YTHDC2: variants seen among roughly 807,000 people sequenced by gnomAD.
The protein encoded by YTHDC2 is 3'-5' RNA helicase YTHDC2.
A neutral mutation model predicts 174.9 loss-of-function variants in YTHDC2; 45 were observed. The ratio of observed to expected loss-of-function variants is 0.26; its 90% confidence interval spans 0.20 to 0.33. The LOEUF (loss-of-function observed/expected upper bound fraction) is 0.33, where lower values mean the gene tolerates loss of function less well. YTHDC2 is among the 10% of genes least tolerant of loss of function. YTHDC2 has a pLI of 1.00. For synonymous variants in YTHDC2, 657 were observed against 574.5 expected (o/e 1.14, Z -2.05); for missense variants, 1,650 against 1,723.7 (o/e 0.96, Z 0.76).
At chr5:113,589,665 G>A (rs1479535711) in intron 26 of YTHDC2, among the ~76,000 whole-genome samples, 1 of 151,834 alleles carries the variant, frequency 6.6e-6, no homozygotes, top group Non-Finnish European at 1.5e-5. Flanking sequence ...CCAGGAATTT[G>A]ATTTTATAGT....
intron 23 of YTHDC2, among the ~76,000 whole-genome samples, chr5:113,576,780 A>G (rs555671534): frequency 6.6e-6 from 1 of 151,954 alleles, no homozygotes; most frequent in South Asian, 2.1e-4. Flanking sequence ...TAATTTAAAG[A>G]TGTTATTAAT....
rs765807319 is a variant in YTHDC2 at position 113,513,966 on chromosome 5, C to T, written c.71C>T (p.Pro24Leu). The T allele has an allele frequency of 4.4e-6, 7 of 1,603,468 alleles. No homozygotes were observed. The Admixed American group carries it at 8.5e-5, about 19-fold the overall frequency. ...PGGGGGGGPS[P>L]CGPGGGGRAK... ...GGTGGCGGAGGCGGCGGCCCCTCGC[C>T]TTGTGGCCCTGGGGGCGGCGGCCGG... Residue 24 changes from proline to leucine, a missense_variant, in exon 1 of 30, where the codon CCT (proline) becomes CTT (leucine). Physicochemically the swap from Pro to Leu is moderately conservative, Grantham distance 98. Transcript: ENST00000161863.
chr5:113,515,696 A>T (rs1561613824), intron 2 of YTHDC2, among the ~76,000 whole-genome samples: 1 of 152,366 alleles, frequency 6.6e-6, no homozygotes, highest in East Asian at 1.9e-4. Flanking sequence ...GACATGCATC[A>T]TGCATACATA....
chr5:113,542,311 T>C, intron 9 of YTHDC2, 57 bp from the exon 10 acceptor site: 1 of 1,573,748 alleles, frequency 6.4e-7, no homozygotes, highest in Non-Finnish European at 8.7e-7. Context: ...CTTATGTTCT[T>C]TGCAAGCAAA....
intron 4 of YTHDC2, 56 bp from the exon 5 acceptor site, chr5:113,532,823 G>A: frequency 2.0e-6 from 3 of 1,495,224 alleles, no homozygotes; most frequent in South Asian, 2.6e-5. Flanking sequence ...GATTCACTTA[G>A]ATTTTTTGTA....
Position 113,584,474 on chromosome 5 carries a change from G to C in YTHDC2, c.3820G>C (p.Gly1274Arg). The change falls in exon 26 of 30, where the codon GGA (glycine) becomes CGA (arginine). Residue 1274 changes from glycine to arginine, a missense_variant. Gly to Arg is a moderately radical substitution (Grantham distance 125). Around this residue, in one of 5 missense-constraint regions of YTHDC2, gnomAD observed 913 missense variants for 940.4 expected, o/e 0.97. Transcript: ENST00000161863. ...TGCTAGTCCTTCTCCTCCATCCTCA[G>C]GAAAGGTAAGAGTATCTGAAAGAAA... ...PCASPSPPSS[G>R]KGSKSPSPRP... 6.2e-7 allele frequency: 1 copy of C among 1,608,808 alleles called. No homozygotes were observed. Among genetic ancestry groups the C allele is most frequent in the East Asian group, 2.2e-5 (1 of 44,806 alleles).
intron 1 of YTHDC2, chr5:113,514,402 T>TA: frequency 2.7e-5 from 15 of 553,010 alleles, no homozygotes; most frequent in Non-Finnish European, 4.1e-5. Context: ...CCCTAACCCT[T>TA]TTTAAGGGGG....
intron 23 of YTHDC2, among the ~76,000 whole-genome samples, chr5:113,572,203 T>G (rs1484460688): frequency 6.6e-6 from 1 of 152,228 alleles, no homozygotes; most frequent in Non-Finnish European, 1.5e-5. Context: ...AACTTCTTGA[T>G]TTCTGCCTTA....
intron 26 of YTHDC2, among the ~76,000 whole-genome samples, chr5:113,587,598 T>G (rs993473558): frequency 3.4e-5 from 5 of 145,254 alleles, no homozygotes; most frequent in African/African-American, 1.3e-4. Context: ...AATTAATATT[T>G]ATGACATATT....
At chr5:113,541,556 C>A (rs1187875107) in intron 9 of YTHDC2, among the ~76,000 whole-genome samples, 2 of 151,988 alleles carry the variant, frequency 1.3e-5, no homozygotes, top group Non-Finnish European at 2.9e-5. Flanking sequence ...AGACCACAAC[C>A]AATTTTTCAG....
intron 4 of YTHDC2, 34 bp downstream of exon 4, chr5:113,526,819 AAAAAAAAATAT>A (rs1387548525): frequency 5.5e-5 from 22 of 403,506 alleles, no homozygotes; most frequent in East Asian, 3.8e-4. Context: ...TAGAAAAAAA[AAAAAAAAATAT>A]ATATATATAT....
intron 26 of YTHDC2, among the ~76,000 whole-genome samples, chr5:113,588,631 A>ATATT (rs1778820909): frequency 1.4e-5 from 2 of 138,406 alleles, no homozygotes; most frequent in Admixed American, 7.6e-5. Flanking sequence ...TATTTATATT[A>ATATT]TTTTTTTTTG....
intron 3 of YTHDC2, among the ~76,000 whole-genome samples, chr5:113,526,376 A>G (rs1358264573): frequency 6.6e-6 from 1 of 152,084 alleles, no homozygotes; most frequent in Non-Finnish European, 1.5e-5. Context: ...TAACATGTTC[A>G]ATGAGAATAT....
intron 2 of YTHDC2, among the ~76,000 whole-genome samples, chr5:113,518,996 G>A (rs1303481451): frequency 2.6e-5 from 4 of 151,828 alleles, no homozygotes; most frequent in Non-Finnish European, 2.9e-5. Context: ...TTCCTCGCAA[G>A]TAGATAGGAC....
intron 1 of YTHDC2, 199 bp downstream of exon 1, chr5:113,514,281 C>G (rs139956268): frequency 2.8e-6 from 2 of 724,748 alleles, no homozygotes; most frequent in African/African-American, 1.7e-5. Flanking sequence ...GCGAGGTGCT[C>G]TGCGGATCAA....
intron 10 of YTHDC2, among the ~76,000 whole-genome samples, chr5:113,543,083 T>C (rs1230840722): frequency 6.6e-6 from 1 of 152,202 alleles, no homozygotes; most frequent in African/African-American, 2.4e-5. Flanking sequence ...ACTTAATCCT[T>C]AAGTGGATCT....
chr5:113,581,424 G>C lies in YTHDC2; in HGVS notation c.3362G>C (p.Ser1121Thr). ...LHFTLEPEAA[S>T]LLLQLRQKWH... Reference sequence around the variant, plus strand: ...CTATTTGAACTATTACAGGCAGCTAGTTTATTGCTGCAGCTCAGACAGAAG... The same window carrying C: ...CTATTTGAACTATTACAGGCAGCTACTTTATTGCTGCAGCTCAGACAGAAG... Residue 1121 changes from serine (S) to threonine (T), a missense_variant, in exon 25 of 30, where the codon AGT becomes ACT. Ser to Thr is a moderately conservative substitution (Grantham distance 58, BLOSUM62 1). This residue lies in a region of YTHDC2 where 913 missense variants were observed against 940.4 expected (regional missense o/e 0.97). Coordinates refer to ENST00000161863, the MANE Select transcript of YTHDC2 (RefSeq NM_022828.5). 3.1e-6 allele frequency: 5 copies of C among 1,602,078 alleles called. No homozygotes were observed. The highest frequency in any genetic ancestry group is 4.3e-6 in the Non-Finnish European group (5 of 1,174,988).
At position 113,524,964 on chromosome 5, in the gene YTHDC2, T is replaced by C; in HGVS notation, c.279-17T>C. Reference sequence around the variant, plus strand: ...TTGACTTTATATAGTAAATAAATGATTTTTATTAATATTCAGAAAGGGAGC... The same window carrying C: ...TTGACTTTATATAGTAAATAAATGACTTTTATTAATATTCAGAAAGGGAGC... On this transcript the variant is annotated splice_polypyrimidine_tract_variant and intron_variant, in intron 2 of 29. Coordinates refer to ENST00000161863, the MANE Select transcript of YTHDC2 (RefSeq NM_022828.5). 6.5e-7 allele frequency: 1 copy of C among 1,538,630 alleles called. No homozygotes were observed. Among genetic ancestry groups the C allele is most frequent in the Non-Finnish European group, 8.8e-7 (1 of 1,140,848 alleles).
chr5:113,535,978 C>G (rs994532031), intron 7 of YTHDC2, among the ~76,000 whole-genome samples, 180 bp downstream of exon 7: 4 of 152,150 alleles, frequency 2.6e-5, no homozygotes, highest in Non-Finnish European at 4.4e-5. Context: ...ATCAACAGCT[C>G]TTTGGTATTG....
Sources: allele counts gnomAD v4.1 joint callset (sites outside exome capture counted in the v4.1 genomes callset), GRCh38; gene constraint gnomAD v4.1.1; regional missense constraint gnomAD v4.1.1; transcripts MANE v1.5; gene names NCBI Gene and HGNC (gene_info 2026-07-23, HGNC 2026-07-21).